Variants in NALF1 observed in about 807,000 individuals in gnomAD.
The protein encoded by NALF1 is NALCN channel auxiliary factor 1.
Under a neutral mutation model 48.4 loss-of-function variants are expected in NALF1, and 3 were observed. The observed-to-expected ratio is 0.06, with a 90% CI of 0.03 to 0.16. NALF1 has a LOEUF of 0.16. NALF1 is among the 10% of genes least tolerant of loss of function. The pLI is 1.00. For missense variants in NALF1, 526 were observed against 571.5 expected (o/e 0.92, Z 0.81); for synonymous variants, 262 against 245.7 (o/e 1.07, Z -0.62).
In NALF1 at chr13:107,518,308, T is replaced by C. The variant is rs147984115; in HGVS notation, c.916-307553A>G. Among the ~76,000 whole-genome samples the C allele has an allele frequency of 5.5e-3, 840 of 152,318 alleles. 5 individuals are homozygous for C. The highest frequency in any genetic ancestry group is 7.3e-3 in the Non-Finnish European group (498 of 68,022). ...AGATCATTCCTTGGAGAGCTACACA[T>C]GGCTCTGCTTTCTTAATTGTTCACA... On this transcript the variant is annotated intron_variant, in intron 1 of 2. Coordinates refer to ENST00000375915, the MANE Select transcript of NALF1 (RefSeq NM_001080396.3).
rs1381884090 is a variant in NALF1, at chr13:107,865,849, C to T, written c.748G>A (p.Val250Met). The T allele has an allele frequency of 1.2e-6, 2 of 1,614,168 alleles. No homozygotes were observed. The highest frequency in any genetic ancestry group is 1.1e-5 in the South Asian group (1 of 91,082). The change falls in exon 1 of 3, where the codon GTG (valine) becomes ATG (methionine). Residue 250 changes from valine (V) to methionine (M), a missense_variant. Val to Met is a conservative substitution (Grantham distance 21). This residue lies in a region of NALF1 where 373 missense variants were observed against 355.5 expected (regional missense o/e 1.05). Transcript: ENST00000375915. ...ATCTCGCCGCCTTCCTTGAGCACCA[C>T]ATCCAGACTGCAGTTCAAAGTGTTG... The part of the protein sequence containing the change: ...SPNTLNCSLD[V>M]VLKEGGEMTT...
intron 1 of NALF1, among the ~76,000 whole-genome samples, chr13:107,593,343 T>A (rs1292795912): frequency 2.0e-5 from 3 of 151,956 alleles, no homozygotes; most frequent in East Asian, 3.9e-4. Context: ...CATGGTTTTA[T>A]TATTTAATTT....
chr13:107,440,451 G>C (rs1884538498), intron 1 of NALF1, among the ~76,000 whole-genome samples: 1 of 152,176 alleles, frequency 6.6e-6, no homozygotes, highest in African/African-American at 2.4e-5. Flanking sequence ...TCAACAAATA[G>C]TTACTTAGCA....
At chr13:107,378,884 T>TG (rs1883384955) in intron 1 of NALF1, among the ~76,000 whole-genome samples, 1 of 152,164 alleles carries the variant, frequency 6.6e-6, no homozygotes, top group South Asian at 2.1e-4. Context: ...TGAGGTGTTA[T>TG]GGACAGAAAA....
At chr13:107,346,300 A>C (rs1882771717) in intron 1 of NALF1, among the ~76,000 whole-genome samples, 1 of 152,222 alleles carries the variant, frequency 6.6e-6, no homozygotes, top group East Asian at 1.9e-4. Context: ...AATTAAAAAC[A>C]GGATCTCGAA....
At chr13:107,643,932 G>A (rs1398535384) in intron 1 of NALF1, among the ~76,000 whole-genome samples, 1 of 150,280 alleles carries the variant, frequency 6.7e-6, no homozygotes, top group Non-Finnish European at 1.5e-5. Context: ...TCAGGAGACT[G>A]AAACTCCTCC....
intron 1 of NALF1, among the ~76,000 whole-genome samples, chr13:107,587,697 C>T (rs1878497425): frequency 6.6e-6 from 1 of 152,162 alleles, no homozygotes; most frequent in Non-Finnish European, 1.5e-5. Context: ...CAGCATTCTT[C>T]ACAACTTTGT....
At position 107,169,596 on chromosome 13, in the gene NALF1, C is replaced by T. The variant is rs550953728; in HGVS notation, c.*901G>A. 6.6e-6 allele frequency: 1 copy of T among 152,316 alleles called. No individual in the cohort carries two copies. Among genetic ancestry groups the T allele is most frequent in the Non-Finnish European group, 1.5e-5 (1 of 68,028 alleles). 9.4% of individuals were successfully genotyped at this position (152,316 alleles called of 1,614,324 possible). A position where few individuals can be genotyped will look rare whatever the true frequency, so the allele number is the denominator to read the frequency against. ...GGACCAGCAAGAAAGGGCTGGGCCA[C>T]TTGGGGATGGGAACTGGAGCAATAC... On this transcript the variant is annotated 3_prime_UTR_variant, in exon 3 of 3. Transcript: ENST00000375915.
chr13:107,410,361 C>A (rs547790885), intron 1 of NALF1, among the ~76,000 whole-genome samples: 1 of 152,182 alleles, frequency 6.6e-6, no homozygotes, highest in East Asian at 1.9e-4. Context: ...TGGTGTGTCC[C>A]ATGTCTCTGA....
chr13:107,773,176 T>C (rs1429625908), intron 1 of NALF1, among the ~76,000 whole-genome samples: 1 of 152,192 alleles, frequency 6.6e-6, no homozygotes, highest in Non-Finnish European at 1.5e-5. Flanking sequence ...TAGTTGACTA[T>C]TGTTTTTCAT....
At chr13:107,366,311 G>C (rs1883150932) in intron 1 of NALF1, among the ~76,000 whole-genome samples, 1 of 152,172 alleles carries the variant, frequency 6.6e-6, no homozygotes, top group Non-Finnish European at 1.5e-5. Context: ...GATGAAGAAT[G>C]ATTTTAAATA....
intron 1 of NALF1, among the ~76,000 whole-genome samples, chr13:107,829,155 T>G (rs1366410346): frequency 6.6e-6 from 1 of 152,192 alleles, no homozygotes; most frequent in Non-Finnish European, 1.5e-5. Flanking sequence ...GATCACCCAT[T>G]ATTTCTACAA....
At chr13:107,809,029 AC>A (rs1203582788) in intron 1 of NALF1, among the ~76,000 whole-genome samples, 1 of 152,112 alleles carries the variant, frequency 6.6e-6, no homozygotes, top group Non-Finnish European at 1.5e-5. Flanking sequence ...AAAACCTATG[AC>A]TAAAGAAGAA....
intron 1 of NALF1, among the ~76,000 whole-genome samples, chr13:107,368,873 G>A (rs976256880): frequency 1.6e-4 from 24 of 152,260 alleles, no homozygotes; most frequent in East Asian, 7.7e-4. Flanking sequence ...ATGGATCTCC[G>A]TGTACATTTT....
chr13:107,821,886 C>T (rs1198070227), intron 1 of NALF1, among the ~76,000 whole-genome samples: 1 of 152,156 alleles, frequency 6.6e-6, no homozygotes, highest in Non-Finnish European at 1.5e-5. Flanking sequence ...TTAACATTTA[C>T]ATTCAAACAT....
Position 107,485,364 on chromosome 13 carries a change from G to A in NALF1, c.916-274609C>T, listed in dbSNP as rs1885313428. 3.3e-5 allele frequency among the ~76,000 whole-genome samples: 5 copies of A among 152,066 alleles called. No homozygotes were observed. The South Asian group carries it at 1.0e-3, about 32-fold the overall frequency. On this transcript the variant is annotated intron_variant, in intron 1 of 2. Transcript: ENST00000375915. ...CTTGGATCCCATCAGTTCCTTTCCT[G>A]TTTCCCAGCATTCTAAAGTTTCAGA...
At position 107,840,969 on chromosome 13, in the gene NALF1, T is replaced by C. The variant is rs144924675; in HGVS notation, c.915+24713A>G. 5.4e-3 allele frequency among the ~76,000 whole-genome samples: 816 copies of C among 152,254 alleles called. 8 individuals carry two copies. The highest frequency in any genetic ancestry group is 0.019 in the African/African-American group (783 of 41,550). On this transcript the variant is annotated intron_variant, in intron 1 of 2. Transcript: ENST00000375915. Reference sequence around the variant, plus strand: ...CCTTGCTGAACTTGACCTTTCCTAGTGATCCCTAGCATCCTGGCTTGGAAA... The same window carrying C: ...CCTTGCTGAACTTGACCTTTCCTAGCGATCCCTAGCATCCTGGCTTGGAAA...
At chr13:107,845,061 G>A (rs754545404) in intron 1 of NALF1, among the ~76,000 whole-genome samples, 4 of 152,114 alleles carry the variant, frequency 2.6e-5, no homozygotes, top group Non-Finnish European at 5.9e-5. Context: ...ATTACGCATA[G>A]GAAAAAGGCA....
At chr13:107,820,968 T>C (rs1879344185) in intron 1 of NALF1, among the ~76,000 whole-genome samples, 1 of 152,182 alleles carries the variant, frequency 6.6e-6, no homozygotes, top group Non-Finnish European at 1.5e-5. Context: ...TAATTCTGCA[T>C]ACTCCCTCCC....
Sources: allele counts gnomAD v4.1 joint callset (sites outside exome capture counted in the v4.1 genomes callset), GRCh38; gene constraint gnomAD v4.1.1; regional missense constraint gnomAD v4.1.1; transcripts MANE v1.5; gene names NCBI Gene and HGNC (gene_info 2026-07-23, HGNC 2026-07-21).